KLHL1: variants seen among roughly 807,000 people sequenced by gnomAD.
KLHL1 encodes kelch-like protein 1.
In KLHL1, 47 loss-of-function variants were observed where a neutral mutation model predicts 77.7. That is an observed-to-expected ratio of 0.60 (90% CI 0.48 to 0.77). The LOEUF is 0.77. KLHL1 is among the 30% of genes least tolerant of loss of function. The pLI is 0.00. For synonymous variants in KLHL1, 360 were observed against 325.2 expected, an observed-to-expected ratio of 1.11 and a Z score of -1.15; for missense variants, 925 against 910.8, an observed-to-expected ratio of 1.02 and a Z score of -0.20.
intron 7 of KLHL1, among the ~76,000 whole-genome samples, chr13:69,781,241 C>T (rs990047798): frequency 2.6e-5 from 4 of 151,070 alleles, no homozygotes; most frequent in Middle Eastern, 3.2e-3. Context: ...GTCTTTGAAT[C>T]CTAACACTAG....
intron 6 of KLHL1, among the ~76,000 whole-genome samples, chr13:69,807,707 C>A (rs1877674429): frequency 6.6e-6 from 1 of 152,170 alleles, no homozygotes; most frequent in Non-Finnish European, 1.5e-5. Context: ...GGGAGAAGGA[C>A]TTCCAGAGCT....
At chr13:69,795,241 T>TTTCTCTCTCTTCCCCC (rs1162540033) in intron 7 of KLHL1, among the ~76,000 whole-genome samples, 21 of 152,178 alleles carry the variant, frequency 1.4e-4, no homozygotes, top group African/African-American at 3.9e-4. Context: ...TCTCTTTCCT[T>TTTCTCTCTCTTCCCCC]TTCTCTCTCT....
At chr13:70,016,621 GA>G (rs1164047523) in intron 1 of KLHL1, among the ~76,000 whole-genome samples, 1 of 152,178 alleles carries the variant, frequency 6.6e-6, no homozygotes. Context: ...CACCGATGAG[GA>G]TCGAAGGGAG....
chr13:70,024,837 G>C (rs1312945935), intron 1 of KLHL1, among the ~76,000 whole-genome samples: 1 of 151,850 alleles, frequency 6.6e-6, no homozygotes, highest in Non-Finnish European at 1.5e-5. Flanking sequence ...CTTAAAGATA[G>C]TACAACATTT....
chr13:69,701,970 T>G (rs1212860513), intron 10 of KLHL1, among the ~76,000 whole-genome samples: 2 of 151,768 alleles, frequency 1.3e-5, no homozygotes, highest in Non-Finnish European at 3.0e-5. Context: ...GGCCTACAAT[T>G]TTTATGGAGT....
intron 5 of KLHL1, among the ~76,000 whole-genome samples, chr13:69,865,277 T>C (rs924936839): frequency 3.9e-5 from 6 of 152,128 alleles, no homozygotes; most frequent in African/African-American, 9.6e-5. Flanking sequence ...GTTAATTAAG[T>C]GTATGCATGT....
At chr13:70,069,041 A>T (rs568080536) in intron 1 of KLHL1, among the ~76,000 whole-genome samples, 1 of 152,296 alleles carries the variant, frequency 6.6e-6, no homozygotes, top group Admixed American at 6.5e-5. Flanking sequence ...CAAACTATTA[A>T]ACTATTTTGC....
chr13:69,784,016 T>C (rs1009453419), intron 7 of KLHL1, among the ~76,000 whole-genome samples: 1 of 152,162 alleles, frequency 6.6e-6, no homozygotes, highest in Non-Finnish European at 1.5e-5. Context: ...CAGAAGAGAC[T>C]GGGGGCCAAA....
chr13:69,912,624 G>A (rs1882275869), intron 4 of KLHL1, among the ~76,000 whole-genome samples: 1 of 152,172 alleles, frequency 6.6e-6, no homozygotes, highest in Non-Finnish European at 1.5e-5. Context: ...ATCTCCAGGT[G>A]CAACTATATT....
intron 10 of KLHL1, among the ~76,000 whole-genome samples, chr13:69,702,214 A>G (rs889458670): frequency 1.3e-5 from 2 of 151,724 alleles, no homozygotes; most frequent in African/African-American, 4.8e-5. Flanking sequence ...CACTCTAGAC[A>G]GAGACATACA....
chr13:69,767,700 T>C (rs1221951783), intron 7 of KLHL1, among the ~76,000 whole-genome samples: 2 of 152,180 alleles, frequency 1.3e-5, no homozygotes, highest in East Asian at 1.9e-4. Flanking sequence ...GCTTGTTCTT[T>C]CCTTTCGTTT....
intron 6 of KLHL1, among the ~76,000 whole-genome samples, chr13:69,814,961 A>T (rs1878056268): frequency 6.6e-6 from 1 of 152,168 alleles, no homozygotes; most frequent in Non-Finnish European, 1.5e-5. Context: ...CAGTGAGCCG[A>T]GATCGCACCA....
intron 3 of KLHL1, among the ~76,000 whole-genome samples, chr13:69,944,978 C>CTTTTT (rs750774784): frequency 3.0e-4 from 24 of 79,852 alleles, no homozygotes; most frequent in South Asian, 4.4e-4. Flanking sequence ...TATAAAACTT[C>CTTTTT]TTTTTTTTTT....
chr13:70,049,459 C>T (rs552365465), intron 1 of KLHL1, among the ~76,000 whole-genome samples: 1 of 152,282 alleles, frequency 6.6e-6, no homozygotes, highest in Non-Finnish European at 1.5e-5. Context: ...AAAGAAAAAA[C>T]ATCAGCATGC....
At chr13:69,832,892 T>C (rs12856844) in intron 6 of KLHL1, among the ~76,000 whole-genome samples, 20,290 of 152,134 alleles carry the variant, frequency 0.13, 1,558 homozygotes, top group African/African-American at 0.18. Context: ...GTTGGGATAA[T>C]TGGCAAGCCA....
In KLHL1 at chr13:69,707,778, G is replaced by A. The variant is rs114756564; in HGVS notation, c.2034C>T (p.Asp678=). The A allele has an allele frequency of 1.2e-6, 2 of 1,612,348 alleles. No individual in the cohort carries two copies. The highest frequency in any genetic ancestry group is 1.3e-5 in the African/African-American group (1 of 74,902). Residue 678 remains aspartate (D), a synonymous_variant, in exon 10 of 11, where the codon GAC becomes GAT. Coordinates refer to ENST00000377844, the MANE Select transcript of KLHL1 (RefSeq NM_020866.3). ...DYVERYDPKT[D]TWTMVAPLSM... ...TCAAAGGAGCCACCATGGTCCAAGT[G>A]TCTGTTTTGGGATCATATCTAAAAT... is the stretch of plus-strand genomic sequence containing the variant.
chr13:69,991,568 G>T (rs1312098583), intron 1 of KLHL1, among the ~76,000 whole-genome samples: 1 of 151,464 alleles, frequency 6.6e-6, no homozygotes, highest in Non-Finnish European at 1.5e-5. Context: ...ACACAAACTA[G>T]AAAAGGTAGA....
intron 1 of KLHL1, among the ~76,000 whole-genome samples, chr13:70,073,827 A>ATTTTTTTTTTTTTTTTTTTTTT (rs753016733): frequency 7.1e-6 from 1 of 140,514 alleles, no homozygotes. Context: ...AGCAAACATA[A>ATTTTTTTTTTTTTTTTTTTTTT]TTTTCTTTTT....
At chr13:69,810,429 CT>C (rs1483145478) in intron 6 of KLHL1, among the ~76,000 whole-genome samples, 4 of 151,966 alleles carry the variant, frequency 2.6e-5, no homozygotes, top group African/African-American at 9.7e-5. Flanking sequence ...CAACTTGCCC[CT>C]GAATGACTTT....
Sources: gnomAD v4.1 joint callset for allele counts (sites outside exome capture counted in the v4.1 genomes callset) on GRCh38, gnomAD v4.1.1 for gene constraint, MANE v1.5 for transcripts, NCBI Gene and HGNC (gene_info 2026-07-23, HGNC 2026-07-21) for gene names.